The following SUSD4 variants were observed in gnomAD, a reference collection of about 807,000 sequenced individuals.
SUSD4 encodes the protein sushi domain containing 4.
A neutral mutation model predicts 50.5 loss-of-function variants in SUSD4; 41 were observed. The ratio of observed to expected loss-of-function variants is 0.81; its 90% confidence interval spans 0.63 to 1.05. The LOEUF is 1.05. Among genes scored for constraint, SUSD4 ranks in the 50% least tolerant of loss-of-function variants. The probability of loss-of-function intolerance (pLI) is 0.00; values close to 1 mark genes in which losing one functional copy is unlikely to be tolerated. For synonymous variants in SUSD4, 257 were observed against 257.3 expected, an observed-to-expected ratio of 1.00 and a Z score of 0.01; for missense variants, 580 against 634.7, an observed-to-expected ratio of 0.91 and a Z score of 0.93.
intron 5 of SUSD4, among the ~76,000 whole-genome samples, chr1:223,241,105 C>T (rs1336175561): frequency 2.0e-5 from 3 of 152,110 alleles, no homozygotes; most frequent in Admixed American, 6.5e-5. Context: ...TCCCTTCCTC[C>T]GAGTCAGTTG....
chr1:223,348,370 T>C (rs1014141967), intron 2 of SUSD4, among the ~76,000 whole-genome samples: 1 of 152,218 alleles, frequency 6.6e-6, no homozygotes, highest in African/African-American at 2.4e-5. Context: ...GAATCTTACC[T>C]ATCATTCATC....
chr1:223,328,614 C>T (rs1667005838), intron 2 of SUSD4, among the ~76,000 whole-genome samples: 1 of 152,216 alleles, frequency 6.6e-6, no homozygotes, highest in Non-Finnish European at 1.5e-5. Flanking sequence ...TCGCTGTTGC[C>T]TCTGCCGCTC....
chr1:223,264,340 G>A (rs1662328697), intron 5 of SUSD4: 3 of 1,113,270 alleles, frequency 2.7e-6, no homozygotes, highest in Non-Finnish European at 3.3e-6. Context: ...ATTAATTTTT[G>A]AAGACATTTC....
intron 2 of SUSD4, among the ~76,000 whole-genome samples, chr1:223,316,861 G>C (rs973106458): frequency 1.3e-5 from 2 of 152,116 alleles, no homozygotes; most frequent in African/African-American, 2.4e-5. Flanking sequence ...TGTAGGATCT[G>C]GTTGGCCAAA....
At chr1:223,281,415 A>G (rs1371468985) in intron 3 of SUSD4, among the ~76,000 whole-genome samples, 5 of 152,098 alleles carry the variant, frequency 3.3e-5, no homozygotes, top group Admixed American at 1.3e-4. Flanking sequence ...TATCACCACC[A>G]ATCCCACAGA....
chr1:223,272,040 A>C (rs1662956319), intron 3 of SUSD4, among the ~76,000 whole-genome samples: 1 of 152,224 alleles, frequency 6.6e-6, no homozygotes, highest in South Asian at 2.1e-4. Flanking sequence ...CAGCCTGGCC[A>C]ACATGGTGAA....
At chr1:223,355,177 C>T (rs1187281010) in intron 2 of SUSD4, among the ~76,000 whole-genome samples, 3 of 151,626 alleles carry the variant, frequency 2.0e-5, no homozygotes, top group East Asian at 3.9e-4. Flanking sequence ...TGGGTTCAAG[C>T]GATTCTCCTG....
intron 3 of SUSD4, among the ~76,000 whole-genome samples, chr1:223,290,770 A>C (rs1470964544): frequency 6.6e-6 from 1 of 151,988 alleles, no homozygotes; most frequent in Non-Finnish European, 1.5e-5. Context: ...CTTTCTTGCC[A>C]TGACTACGTA....
intron 2 of SUSD4, among the ~76,000 whole-genome samples, chr1:223,328,452 C>G (rs1666997614): frequency 6.6e-6 from 1 of 152,184 alleles, no homozygotes; most frequent in African/African-American, 2.4e-5. Flanking sequence ...ATAGAATACA[C>G]CTATTCTGTT....
At chr1:223,258,008 C>G (rs1020903757) in intron 5 of SUSD4, among the ~76,000 whole-genome samples, 1 of 152,178 alleles carries the variant, frequency 6.6e-6, no homozygotes, top group Non-Finnish European at 1.5e-5. Flanking sequence ...CTCATCACAC[C>G]CCCTTTGAGT....
intron 2 of SUSD4, among the ~76,000 whole-genome samples, chr1:223,320,710 G>C (rs1666524247): frequency 6.6e-6 from 1 of 152,198 alleles, no homozygotes; most frequent in African/African-American, 2.4e-5. Flanking sequence ...TTTAGTCTGA[G>C]AGTCTCAGAG....
chr1:223,363,754 T>C, intron 1 of SUSD4: 1 of 259,162 alleles, frequency 3.9e-6, no homozygotes, highest in East Asian at 7.9e-5. Flanking sequence ...TCAGCAGCTG[T>C]GCCCACCACA....
intron 2 of SUSD4, among the ~76,000 whole-genome samples, chr1:223,362,945 T>A (rs867566174): frequency 1.1e-5 from 1 of 93,250 alleles, no homozygotes; most frequent in Non-Finnish European, 2.0e-5. Context: ...CCCCCACCCC[T>A]CCCCCCCCCG....
chr1:223,260,171 T>C (rs1352048723), intron 5 of SUSD4, among the ~76,000 whole-genome samples: 1 of 152,210 alleles, frequency 6.6e-6, no homozygotes, highest in Non-Finnish European at 1.5e-5. Context: ...TAGCTGTGTG[T>C]GTAGTGGCTG....
At chr1:223,252,798 C>G (rs1322505771) in intron 5 of SUSD4, among the ~76,000 whole-genome samples, 1 of 151,690 alleles carries the variant, frequency 6.6e-6, no homozygotes, top group Non-Finnish European at 1.5e-5. Context: ...ATGGAGAAGA[C>G]GGGGTCAGAA....
intron 2 of SUSD4, among the ~76,000 whole-genome samples, chr1:223,331,494 C>T (rs1268567797): frequency 1.3e-5 from 2 of 152,204 alleles, no homozygotes; most frequent in Non-Finnish European, 1.5e-5. Flanking sequence ...GGGTTGAGCA[C>T]AACTAAAAGG....
chr1:223,224,862 C>CTTCTTTTTTTTTTTTTTTTT (rs1239409764), intron 7 of SUSD4, among the ~76,000 whole-genome samples: 4 of 59,288 alleles, frequency 6.7e-5, no homozygotes, highest in African/African-American at 2.9e-4. Context: ...TGGTTTCTTC[C>CTTCTTTTTTTTTTTTTTTTT]TTTTTTTTTT....
rs149107925 is a variant in SUSD4, at chr1:223,294,462, AG to A, written c.149-1812del. 5.4e-3 allele frequency among the ~76,000 whole-genome samples: 821 copies of A among 152,338 alleles called. 43 individuals carry two copies. The East Asian group carries it at 0.12, about 21-fold the overall frequency. On this transcript the variant is annotated intron_variant, in intron 2 of 8. Coordinates refer to ENST00000366878, the MANE Select transcript of SUSD4 (RefSeq NM_017982.4). ...CACCCCAGCTTTTATGTGCTTGTGT[AG>A]GATTCACTGGCTTCCCTCCCCACCT... is the stretch of plus-strand genomic sequence containing the variant.
At chr1:223,316,944 G>A (rs551250508) in intron 2 of SUSD4, among the ~76,000 whole-genome samples, 1 of 152,272 alleles carries the variant, frequency 6.6e-6, no homozygotes, top group East Asian at 1.9e-4. Context: ...ATGACGATGA[G>A]TCTGGCAGCG....
Sources: gnomAD v4.1 joint callset for allele counts (sites outside exome capture counted in the v4.1 genomes callset) on GRCh38, gnomAD v4.1.1 for gene constraint, MANE v1.5 for transcripts, NCBI Gene and HGNC (gene_info 2026-07-23, HGNC 2026-07-21) for gene names.